The following CDK14 variants were observed in gnomAD, a reference collection of about 807,000 sequenced individuals.
CDK14 encodes the protein cyclin-dependent kinase 14.
A neutral mutation model predicts 60.7 loss-of-function variants in CDK14; 34 were observed. The ratio of observed to expected loss-of-function variants is 0.56; its 90% CI spans 0.43 to 0.75. The LOEUF (loss-of-function observed/expected upper bound fraction) is 0.75. Ranked by LOEUF, CDK14 falls within the 30% of genes least tolerant of loss-of-function variation. The pLI, the probability that CDK14 is intolerant of heterozygous loss-of-function variation, is 0.00. For synonymous variants in CDK14, 197 were observed against 203.7 expected (o/e 0.97, Z 0.28); for missense variants, 482 against 564.1 (o/e 0.85, Z 1.47).
intron 14 of CDK14, among the ~76,000 whole-genome samples, chr7:91,194,320 T>C (rs935427678): frequency 2.6e-5 from 4 of 152,198 alleles, no homozygotes; most frequent in African/African-American, 9.6e-5. Context: ...CTTTTTTGTT[T>C]TAGCATTTCA....
At chr7:90,825,296 G>A (rs1789684274) in intron 5 of CDK14, among the ~76,000 whole-genome samples, 1 of 152,132 alleles carries the variant, frequency 6.6e-6, no homozygotes. Flanking sequence ...GGACTTGGTT[G>A]GAGCTCGCTG....
intron 14 of CDK14, among the ~76,000 whole-genome samples, chr7:91,173,057 T>C (rs1277547337): frequency 6.6e-6 from 1 of 152,182 alleles, no homozygotes; most frequent in Non-Finnish European, 1.5e-5. Context: ...GCCTTTCTTC[T>C]CCTTTACCAA....
intron 5 of CDK14, among the ~76,000 whole-genome samples, chr7:90,814,608 C>G (rs1789275625): frequency 6.6e-6 from 1 of 151,952 alleles, no homozygotes; most frequent in Admixed American, 6.6e-5. Flanking sequence ...ATGGTGAAAC[C>G]CCATCTTTAC....
At chr7:90,867,929 C>T (rs557494745) in intron 6 of CDK14, among the ~76,000 whole-genome samples, 74 of 151,670 alleles carry the variant, frequency 4.9e-4, no homozygotes, top group African/African-American at 1.7e-3. Context: ...AATTTGAGAC[C>T]AGCCTGGGCA....
intron 6 of CDK14, among the ~76,000 whole-genome samples, chr7:90,888,381 C>T (rs1399067775): frequency 6.6e-6 from 1 of 152,026 alleles, no homozygotes; most frequent in Non-Finnish European, 1.5e-5. Flanking sequence ...TAACAGGTAC[C>T]TGAAGCTCAT....
intron 4 of CDK14, among the ~76,000 whole-genome samples, chr7:90,782,751 T>C (rs1196774260): frequency 6.6e-6 from 1 of 152,198 alleles, no homozygotes; most frequent in East Asian, 1.9e-4. Context: ...AGACCTAGTT[T>C]AGTCTTTGTG....
At chr7:90,946,992 G>A (rs143232569) in intron 8 of CDK14, among the ~76,000 whole-genome samples, 61 of 152,166 alleles carry the variant, frequency 4.0e-4, no homozygotes, top group African/African-American at 1.2e-3. Flanking sequence ...AACAGACAAC[G>A]CAGATAAGAG....
At chr7:90,632,421 G>A in intron 2 of CDK14, 1 of 241,962 alleles carries the variant, frequency 4.1e-6, no homozygotes, top group Non-Finnish European at 8.8e-6. Flanking sequence ...GATTGGCAGT[G>A]GTTATCATGG....
chr7:90,877,042 G>T (rs183508753), intron 6 of CDK14, among the ~76,000 whole-genome samples: 19 of 152,214 alleles, frequency 1.2e-4, no homozygotes, highest in African/African-American at 4.6e-4. Context: ...TGGCTGGTTA[G>T]TTGTTGGTTT....
intron 3 of CDK14, among the ~76,000 whole-genome samples, chr7:90,730,556 C>T (rs1031328866): frequency 2.0e-5 from 3 of 152,038 alleles, no homozygotes; most frequent in Non-Finnish European, 4.4e-5. Flanking sequence ...TTCTAACTGG[C>T]GTGAGATGGT....
intron 5 of CDK14, among the ~76,000 whole-genome samples, chr7:90,830,774 G>A (rs984677390): frequency 6.6e-6 from 1 of 152,158 alleles, no homozygotes; most frequent in Non-Finnish European, 1.5e-5. Flanking sequence ...CTGCTTTGCT[G>A]CTTGGAAATT....
At position 90,790,577 on chromosome 7, in the gene CDK14, A is replaced by G; in HGVS notation, c.469A>G (p.Asn157Asp). The change falls in exon 5 of 15, where the codon AAT becomes GAT. Residue 157 changes from asparagine (N) to aspartate (D), a missense_variant. By Grantham distance (23) the Asn-to-Asp change is conservative. Coordinates refer to ENST00000380050, the MANE Select transcript of CDK14 (RefSeq NM_001287135.2). Reference sequence around the variant, plus strand: ...CTTATCTTTCATTTCTCACAGGGTAAATGGGAAGTTGGTAGCTCTGAAGGT... The same window carrying G: ...CTTATCTTTCATTTCTCACAGGGTAGATGGGAAGTTGGTAGCTCTGAAGGT... ...ATVYKGKSKV[N>D]GKLVALKVIR... The G allele has an allele frequency of 6.2e-7, 1 of 1,609,474 alleles. No homozygotes were observed. Among genetic ancestry groups the G allele is most frequent in the Non-Finnish European group, 8.5e-7 (1 of 1,176,706 alleles).
chr7:90,762,376 T>G (rs1339774210), intron 4 of CDK14, among the ~76,000 whole-genome samples: 1 of 152,106 alleles, frequency 6.6e-6, no homozygotes, highest in East Asian at 1.9e-4. Context: ...AAGTTGTAAG[T>G]AGGTGTGAAT....
intron 9 of CDK14, among the ~76,000 whole-genome samples, chr7:90,958,167 G>A (rs546648957): frequency 4.9e-4 from 75 of 152,172 alleles, no homozygotes; most frequent in Non-Finnish European, 9.4e-4. Flanking sequence ...ATCCAAAAAC[G>A]TTATGGTGAG....
chr7:90,629,865 A>G (rs945983229), intron 2 of CDK14, among the ~76,000 whole-genome samples: 7 of 152,212 alleles, frequency 4.6e-5, no homozygotes, highest in Admixed American at 3.9e-4. Context: ...CATTTCTATT[A>G]AAAATACAAA....
chr7:90,723,342 G>T (rs1802523549), intron 2 of CDK14, among the ~76,000 whole-genome samples: 1 of 152,114 alleles, frequency 6.6e-6, no homozygotes, highest in Non-Finnish European at 1.5e-5. Flanking sequence ...CTGGCTCAGG[G>T]TCTCTTATGA....
intron 2 of CDK14, among the ~76,000 whole-genome samples, chr7:90,681,693 C>T (rs377024795): frequency 4.6e-5 from 7 of 152,118 alleles, no homozygotes; most frequent in African/African-American, 7.2e-5. Flanking sequence ...TGTTACTAAA[C>T]TTTTTTATTG....
intron 2 of CDK14, among the ~76,000 whole-genome samples, chr7:90,625,752 G>C (rs1750334089): frequency 6.6e-6 from 1 of 152,194 alleles, no homozygotes; most frequent in Admixed American, 6.5e-5. Context: ...CAGAGGTCCA[G>C]ATTTCCTAAG....
At chr7:90,656,669 C>G (rs10263669) in intron 2 of CDK14, among the ~76,000 whole-genome samples, 1 of 152,158 alleles carries the variant, frequency 6.6e-6, no homozygotes, top group Admixed American at 6.5e-5. Context: ...TGAGCCACCG[C>G]GCCCCGCCTT....
Sources: allele counts gnomAD v4.1 joint callset (sites outside exome capture counted in the v4.1 genomes callset), GRCh38; gene constraint gnomAD v4.1.1; transcripts MANE v1.5; gene names NCBI Gene and HGNC (gene_info 2026-07-23, HGNC 2026-07-21).